UBE2G1: variants seen among roughly 807,000 people sequenced by gnomAD.
UBE2G1 encodes the protein ubiquitin conjugating enzyme E2 G1.
UBE2G1 carries 5 observed loss-of-function variants against 22.7 expected under a neutral mutation model. The observed-to-expected ratio is 0.22, with a 90% confidence interval of 0.12 to 0.46. The LOEUF (loss-of-function observed/expected upper bound fraction) is 0.46, where lower values mean the gene tolerates loss of function less well. Among genes scored for constraint, UBE2G1 ranks in the 20% least tolerant of loss-of-function variants. UBE2G1 has a pLI of 0.99. For missense variants in UBE2G1, 88 were observed against 203.9 expected (o/e 0.43, Z 3.46); for synonymous variants, 74 against 67.5 (o/e 1.10, Z -0.47).
intron 1 of UBE2G1, among the ~76,000 whole-genome samples, chr17:4,329,109 G>GAAAAAAAAAAAAAAA (rs56962666): frequency 2.2e-5 from 2 of 91,760 alleles, no homozygotes; most frequent in Non-Finnish European, 2.1e-5. Flanking sequence ...GTCTCAAAAA[G>GAAAAAAAAAAAAAAA]AAAAAAAAAA....
chr17:4,336,448 T>C (rs1969647443), intron 1 of UBE2G1, among the ~76,000 whole-genome samples: 1 of 152,196 alleles, frequency 6.6e-6, no homozygotes. Flanking sequence ...AAAAGGGTCA[T>C]TTTTTATAAT....
At chr17:4,300,408 T>C (rs1360091582) in intron 2 of UBE2G1, among the ~76,000 whole-genome samples, 4 of 151,946 alleles carry the variant, frequency 2.6e-5, no homozygotes, top group African/African-American at 9.7e-5. Flanking sequence ...CCAGGCGTGG[T>C]GGCAGGTGCC....
At chr17:4,320,014 G>GT (rs1969420287) in intron 1 of UBE2G1, among the ~76,000 whole-genome samples, 2 of 149,334 alleles carry the variant, frequency 1.3e-5, no homozygotes, top group African/African-American at 4.9e-5. Context: ...AGTGGCACAC[G>GT]TGTGTGTGTG....
intron 1 of UBE2G1, among the ~76,000 whole-genome samples, chr17:4,344,942 C>T (rs1042254675): frequency 2.6e-5 from 4 of 152,068 alleles, no homozygotes; most frequent in African/African-American, 9.7e-5. Flanking sequence ...TCAGAAATTT[C>T]CCACAATTCA....
At chr17:4,341,271 A>C (rs1299779351) in intron 1 of UBE2G1, among the ~76,000 whole-genome samples, 3 of 152,150 alleles carry the variant, frequency 2.0e-5, no homozygotes, top group Non-Finnish European at 4.4e-5. Context: ...ATTAAACTTA[A>C]TACTCACAAA....
At chr17:4,277,289 C>G (rs1391017057) in intron 5 of UBE2G1, among the ~76,000 whole-genome samples, 1 of 152,182 alleles carries the variant, frequency 6.6e-6, no homozygotes, top group Non-Finnish European at 1.5e-5. Flanking sequence ...GTCAACCAAG[C>G]CACACCCAGA....
intron 1 of UBE2G1, among the ~76,000 whole-genome samples, chr17:4,343,294 A>G (rs959712346): frequency 6.6e-6 from 1 of 152,166 alleles, no homozygotes; most frequent in African/African-American, 2.4e-5. Context: ...AAAAGTTTAT[A>G]TTAATAACAA....
intron 1 of UBE2G1, among the ~76,000 whole-genome samples, chr17:4,334,910 T>C (rs1969626666): frequency 6.6e-6 from 1 of 151,998 alleles, no homozygotes; most frequent in Non-Finnish European, 1.5e-5. Context: ...GACATAAATA[T>C]ATAAAATTGA....
intron 1 of UBE2G1, 48 bp downstream of exon 1, chr17:4,366,223 T>A: frequency 6.7e-7 from 1 of 1,503,442 alleles, no homozygotes; most frequent in Non-Finnish European, 8.8e-7. Flanking sequence ...GGGCTGCGGC[T>A]GTCCGCGATC....
intron 3 of UBE2G1, among the ~76,000 whole-genome samples, chr17:4,290,065 A>G (rs1207063644): frequency 6.6e-6 from 1 of 152,160 alleles, no homozygotes; most frequent in Admixed American, 6.5e-5. Context: ...TATTGACATA[A>G]CTATTTAAGC....
intron 4 of UBE2G1, among the ~76,000 whole-genome samples, chr17:4,285,743 T>C (rs568585600): frequency 6.6e-6 from 1 of 151,872 alleles, no homozygotes; most frequent in Non-Finnish European, 1.5e-5. Context: ...CGACATCAAG[T>C]AATCAAGACC....
At chr17:4,344,396 T>C (rs1337315397) in intron 1 of UBE2G1, among the ~76,000 whole-genome samples, 1 of 151,722 alleles carries the variant, frequency 6.6e-6, no homozygotes, top group Non-Finnish European at 1.5e-5. Flanking sequence ...AAAAATTAGC[T>C]GGGTGTGGTG....
intron 1 of UBE2G1, among the ~76,000 whole-genome samples, chr17:4,312,693 CTCA>C (rs1969324947): frequency 2.1e-5 from 1 of 47,946 alleles, no homozygotes; most frequent in Non-Finnish European, 4.7e-5. Flanking sequence ...AAGACTCCAT[CTCA>C]AAAAAAAAAA....
At position 4,280,922 on chromosome 17, in the gene UBE2G1, C is replaced by T. The variant is rs148996277; in HGVS notation, c.*37+1876G>A. Among the ~76,000 whole-genome samples, 152 of 152,202 alleles carry T rather than the reference C, an allele frequency of 1.0e-3. 1 individual carries two copies. The East Asian group carries it at 0.023, about 23-fold the overall frequency. ...TGCTGGGATTACAGGTGTGAGCCAC[C>T]GCACCTGGCCACAAAGGGGATCTTT... On this transcript the variant is annotated intron_variant, in intron 5 of 5. Coordinates refer to ENST00000396981, the MANE Select transcript of UBE2G1 (RefSeq NM_003342.5).
At chr17:4,315,800 CTTTT>C (rs368086814) in intron 1 of UBE2G1, among the ~76,000 whole-genome samples, 10 of 105,284 alleles carry the variant, frequency 9.5e-5, no homozygotes, top group Admixed American at 1.2e-4. Flanking sequence ...AAAGAGGCTC[CTTTT>C]TTTTTTTTTT....
intron 5 of UBE2G1, among the ~76,000 whole-genome samples, chr17:4,272,933 T>C (rs1394829049): frequency 6.6e-6 from 1 of 152,226 alleles, no homozygotes; most frequent in East Asian, 1.9e-4. Flanking sequence ...AGCCAAGTGA[T>C]TTGGAAATTT....
At chr17:4,343,932 T>C (rs1256401858) in intron 1 of UBE2G1, among the ~76,000 whole-genome samples, 1 of 152,106 alleles carries the variant, frequency 6.6e-6, no homozygotes, top group East Asian at 1.9e-4. Flanking sequence ...ACTGGTAGAT[T>C]TCTCCTCAGT....
At chr17:4,357,017 C>G (rs760655653) in intron 1 of UBE2G1, among the ~76,000 whole-genome samples, 1 of 152,124 alleles carries the variant, frequency 6.6e-6, no homozygotes, top group Non-Finnish European at 1.5e-5. Flanking sequence ...CAATATCAAA[C>G]CCAAGAAATC....
chr17:4,272,775 A>C (rs1968776074), intron 5 of UBE2G1, among the ~76,000 whole-genome samples: 1 of 152,196 alleles, frequency 6.6e-6, no homozygotes, highest in Non-Finnish European at 1.5e-5. Context: ...CAGTAGTCAC[A>C]TGTGGCTAGT....
Sources: gnomAD v4.1 joint callset for allele counts (sites outside exome capture counted in the v4.1 genomes callset) on GRCh38, gnomAD v4.1.1 for gene constraint, MANE v1.5 for transcripts, NCBI Gene and HGNC (gene_info 2026-07-23, HGNC 2026-07-21) for gene names.